STYX: variants seen among roughly 807,000 people sequenced by gnomAD.
STYX encodes serine/threonine/tyrosine interacting protein, also known as serine/threonine/tyrosine-interacting protein.
STYX carries 20 observed loss-of-function variants against 42.7 expected under a neutral mutation model. The ratio of observed to expected loss-of-function variants is 0.47; its 90% CI spans 0.33 to 0.68. STYX has a LOEUF of 0.68. Among genes scored for constraint, STYX ranks in the 30% least tolerant of loss-of-function variants. The probability of loss-of-function intolerance (pLI) is 0.02; values close to 1 mark genes in which losing one functional copy is unlikely to be tolerated. For missense variants in STYX, 226 were observed against 268.5 expected (o/e 0.84, Z 1.11); for synonymous variants, 78 against 81.9 (o/e 0.95, Z 0.26).
rs1375891852 is a variant in STYX at position 52,756,406 on chromosome 14, T to C, written c.243-145T>C. On this transcript the variant is annotated intron_variant, in intron 4 of 10. Transcript: ENST00000354586. ...TTTAATGCCTTCAAGCAATGTAAAA[T>C]CTACCACACAGTTCTTGGGAATATG... 6.0e-6 allele frequency: 3 copies of C among 496,006 alleles called. No individual in the cohort carries two copies. In the African/African-American group the frequency reaches 6.1e-5, roughly 10 times the overall value. The allele number at this position is 496,006 out of a possible 1,614,324, so 30.7% of individuals were successfully genotyped here. A position where few individuals can be genotyped will look rare whatever the true frequency, so the allele number is the denominator to read the frequency against.
intron 1 of STYX, among the ~76,000 whole-genome samples, chr14:52,732,209 C>A (rs141796611): frequency 0.011 from 1,701 of 148,628 alleles, 31 homozygotes; most frequent in African/African-American, 0.037. Context: ...TCAAACAGTT[C>A]TCCTGCCTAA....
At chr14:52,732,284 T>TG (rs71125126) in intron 1 of STYX, among the ~76,000 whole-genome samples, 4 of 146,398 alleles carry the variant, frequency 2.7e-5, no homozygotes, top group Admixed American at 2.0e-4. Context: ...TTTTTTTTTT[T>TG]GAGACAGAGT....
At chr14:52,739,068 C>T (rs1881079071) in intron 1 of STYX, among the ~76,000 whole-genome samples, 2 of 151,076 alleles carry the variant, frequency 1.3e-5, no homozygotes, top group South Asian at 4.2e-4. Flanking sequence ...ATTTCATAGA[C>T]TGGTTTGAAA....
intron 4 of STYX, among the ~76,000 whole-genome samples, chr14:52,752,282 C>CA (rs907364069): frequency 2.7e-4 from 41 of 151,044 alleles, no homozygotes; most frequent in Non-Finnish European, 5.9e-4. Context: ...CTGGCCAACA[C>CA]AGTGAGACCC....
intron 9 of STYX, among the ~76,000 whole-genome samples, chr14:52,760,104 G>A (rs1882031515): frequency 6.6e-6 from 1 of 152,138 alleles, no homozygotes; most frequent in African/African-American, 2.4e-5. Context: ...TACTCAGGAG[G>A]CTGAGATGGG....
intron 5 of STYX, 120 bp from the exon 6 acceptor site, chr14:52,757,199 G>T: frequency 1.3e-6 from 1 of 775,538 alleles, no homozygotes; most frequent in Non-Finnish European, 1.9e-6. Flanking sequence ...TTTGGAAATT[G>T]GTGAATCAAA....
chr14:52,747,222 G>T (rs1381044212), intron 3 of STYX, among the ~76,000 whole-genome samples: 2 of 152,006 alleles, frequency 1.3e-5, no homozygotes, highest in Non-Finnish European at 2.9e-5. Flanking sequence ...AATAAATATA[G>T]CAATGTTCTT....
In STYX at chr14:52,732,299, C is replaced by G. The variant is rs150582100; in HGVS notation, c.57+1768C>G. Among the ~76,000 whole-genome samples the G allele has an allele frequency of 4.7e-3, 666 of 140,260 alleles. 9 individuals carry two copies. The highest frequency in any genetic ancestry group is 0.017 in the African/African-American group (641 of 37,424). 92.0% of individuals were successfully genotyped at this position (140,260 alleles called of 152,430 possible). ...TTTTTTTTTTTGAGACAGAGTCTCA[C>G]TCTGTCGCCCAGGCTGGAATGATCT... On this transcript the variant is annotated intron_variant, in intron 1 of 10. Transcript: ENST00000354586.
chr14:52,759,948 A>G (rs1390822212), intron 9 of STYX, among the ~76,000 whole-genome samples, 194 bp downstream of exon 9: 2 of 152,304 alleles, frequency 1.3e-5, no homozygotes, highest in East Asian at 1.9e-4. Flanking sequence ...CTATAATCAC[A>G]GCACTTTGGG....
At chr14:52,743,200 G>GT (rs1007451441) in intron 1 of STYX, among the ~76,000 whole-genome samples, 1 of 150,290 alleles carries the variant, frequency 6.7e-6, no homozygotes, top group Non-Finnish European at 1.5e-5. Flanking sequence ...GTTTCTCTTA[G>GT]TTAAAAAAAA....
At chr14:52,745,240 C>T (rs1284110560) in intron 2 of STYX, among the ~76,000 whole-genome samples, 1 of 151,998 alleles carries the variant, frequency 6.6e-6, no homozygotes, top group East Asian at 1.9e-4. Context: ...CCTGCCTCAG[C>T]CTCCCGAGTA....
At chr14:52,759,965 A>G (rs1366240602) in intron 9 of STYX, among the ~76,000 whole-genome samples, 3 of 152,128 alleles carry the variant, frequency 2.0e-5, no homozygotes, top group African/African-American at 7.2e-5. Context: ...TGGGAGAACA[A>G]GGCATTTGGA....
intron 9 of STYX, among the ~76,000 whole-genome samples, chr14:52,765,360 G>T (rs926528048): frequency 3.3e-5 from 5 of 152,146 alleles, no homozygotes; most frequent in African/African-American, 1.2e-4. Flanking sequence ...TGGGATTACA[G>T]GCACATGCCA....
At chr14:52,738,842 C>A (rs545811476) in intron 1 of STYX, among the ~76,000 whole-genome samples, 51 of 152,174 alleles carry the variant, frequency 3.4e-4, no homozygotes, top group Non-Finnish European at 6.9e-4. Flanking sequence ...CACACCCAGA[C>A]AAACTGACAC....
chr14:52,768,850 C>A lies in STYX; in HGVS notation c.515C>A (p.Ala172Asp). ...GFVHQLQEYE[A>D]IYLAKLTIQM... Reference sequence around the variant, plus strand: ...TTATTTTTTTTTTAGGAATATGAAGCCATCTACCTAGCAAAATTAACAATA... The same window carrying A: ...TTATTTTTTTTTTAGGAATATGAAGACATCTACCTAGCAAAATTAACAATA... The change falls in exon 10 of 11, where the codon GCC becomes GAC. Residue 172 changes from alanine to aspartate, a missense_variant. Coordinates refer to ENST00000354586, the MANE Select transcript of STYX (RefSeq NM_145251.4). 6.3e-7 allele frequency: 1 copy of A among 1,577,602 alleles called. No individual in the cohort carries two copies. Among genetic ancestry groups the A allele is most frequent in the East Asian group, 2.3e-5 (1 of 43,870 alleles).
chr14:52,759,898 A>G (rs1475948373), intron 9 of STYX, 144 bp downstream of exon 9: 2 of 611,548 alleles, frequency 3.3e-6, no homozygotes, highest in African/African-American at 1.9e-5. Context: ...TTATATCTCT[A>G]TTTAGAAGTA....
At chr14:52,738,809 GAGAGGAGA>G (rs1881065252) in intron 1 of STYX, among the ~76,000 whole-genome samples, 1 of 152,148 alleles carries the variant, frequency 6.6e-6, no homozygotes, top group Non-Finnish European at 1.5e-5. Context: ...CTTATCACTG[GAGAGGAGA>G]GTAAAAGTCA....
chr14:52,770,809 C>A (rs1324889174), intron 10 of STYX, among the ~76,000 whole-genome samples: 2 of 151,872 alleles, frequency 1.3e-5, no homozygotes, highest in African/African-American at 4.8e-5. Context: ...ATATGCAATA[C>A]CTAAGACATA....
chr14:52,757,995 G>A, intron 8 of STYX, 71 bp downstream of exon 8: 1 of 1,536,796 alleles, frequency 6.5e-7, no homozygotes, highest in Admixed American at 1.8e-5. Context: ...GGAATAGTTT[G>A]GAAGTTTGAA....
Sources: allele counts gnomAD v4.1 joint callset (sites outside exome capture counted in the v4.1 genomes callset), GRCh38; gene constraint gnomAD v4.1.1; transcripts MANE v1.5; gene names NCBI Gene and HGNC (gene_info 2026-07-23, HGNC 2026-07-21).